Variants in PCDH15 observed in about 807,000 individuals in gnomAD.
The protein encoded by PCDH15 is protocadherin related 15.
Under a neutral mutation model 178.5 loss-of-function variants are expected in PCDH15, and 129 were observed. The ratio of observed to expected loss-of-function variants is 0.72; its 90% confidence interval spans 0.63 to 0.84. The LOEUF (loss-of-function observed/expected upper bound fraction) is 0.84. Among genes scored for constraint, PCDH15 ranks in the 40% least tolerant of loss-of-function variants. The pLI, the probability that PCDH15 is intolerant of heterozygous loss-of-function variation, is 0.00. For missense variants in PCDH15, 2,230 were observed against 2,099.9 expected, an observed-to-expected ratio of 1.06 and a Z score of -1.21; for synonymous variants, 800 against 732.0, an observed-to-expected ratio of 1.09 and a Z score of -1.50.
At chr10:54,233,882 C>T (rs886269992) in intron 9 of PCDH15, among the ~76,000 whole-genome samples, 8 of 152,298 alleles carry the variant, frequency 5.3e-5, no homozygotes, top group Middle Eastern at 3.4e-3. Context: ...CATTGATGTT[C>T]ATGACAGTAG....
At chr10:55,572,331 A>G (rs2132111043) in intron 2 of PCDH15, among the ~76,000 whole-genome samples, 1 of 151,840 alleles carries the variant, frequency 6.6e-6, no homozygotes, top group African/African-American at 2.4e-5. Context: ...AAAAGCTCCA[A>G]TACATTCTGT....
intron 23 of PCDH15, among the ~76,000 whole-genome samples, chr10:53,944,953 G>T (rs1048888965): frequency 2.0e-5 from 3 of 152,114 alleles, no homozygotes; most frequent in Non-Finnish European, 2.9e-5. Context: ...ACTCCACAAC[G>T]GCAATGCTTC....
At position 55,033,268 on chromosome 10, in the gene PCDH15, C is replaced by A. The variant is rs1355968691; in HGVS notation, c.-80+133308G>T. Among the ~76,000 whole-genome samples, 8 of 152,208 alleles carry A rather than the reference C, an allele frequency of 5.3e-5. No homozygotes were observed. The East Asian group carries it at 1.6e-3, about 30-fold the overall frequency. On this transcript the variant is annotated intron_variant, in intron 2 of 5. Transcript: ENST00000458638. ...AGGGCAATGATTGATGGAGTTGTGG[C>A]AGCAGGGCCGCTCGAGAGGCCAAAG...
At position 54,210,150 on chromosome 10, in the gene PCDH15, G is replaced by T. The variant is rs2051258890; in HGVS notation, c.1098+3786C>A. ...TAGCTTTAGTTGTGCCATAACAAAG[G>T]TGTGACATTTTTTCTAGGCATTGAA... On this transcript the variant is annotated intron_variant, in intron 10 of 37. Coordinates refer to ENST00000644397, the MANE Select transcript of PCDH15 (RefSeq NM_001384140.1). 2.0e-5 allele frequency among the ~76,000 whole-genome samples: 3 copies of T among 151,930 alleles called. No homozygotes were observed. In the South Asian group the frequency reaches 6.2e-4, roughly 32 times the overall value.
rs1280010897 is a variant in PCDH15 at position 53,938,928 on chromosome 10, C to T, written c.3260G>A (p.Gly1087Asp). 3.7e-6 allele frequency: 6 copies of T among 1,612,372 alleles called. No individual in the cohort carries two copies. Among genetic ancestry groups the T allele is most frequent in the African/African-American group, 1.3e-5 (1 of 74,972 alleles). ...CAGAGGTCCATTCACATAGATAACA[C>T]CTGTGATGTTATTAATTCCAAATGT... The part of the protein sequence containing the change: ...EDTFGINNIT[G>D]VIYVNGPLDY... Residue 1087 changes from glycine (G) to aspartate (D), a missense_variant, in exon 25 of 38, where the codon GGT becomes GAT. Gly to Asp is a moderately conservative substitution (Grantham distance 94). Transcript: ENST00000644397.
At chr10:54,008,408 G>T (rs2092455683) in intron 20 of PCDH15, among the ~76,000 whole-genome samples, 1 of 152,116 alleles carries the variant, frequency 6.6e-6, no homozygotes, top group South Asian at 2.1e-4. Flanking sequence ...TTGAAATAAA[G>T]GGATGTTGAG....
At chr10:55,447,134 T>A (rs1265604998) in intron 2 of PCDH15, among the ~76,000 whole-genome samples, 1 of 152,022 alleles carries the variant, frequency 6.6e-6, no homozygotes, top group African/African-American at 2.4e-5. Context: ...CAAGTAACAA[T>A]TATGATATTA....
At chr10:53,927,539 T>C (rs529765583) in intron 25 of PCDH15, among the ~76,000 whole-genome samples, 1 of 152,258 alleles carries the variant, frequency 6.6e-6, no homozygotes, top group Admixed American at 6.5e-5. Context: ...AATTATAATG[T>C]GATCTTTTAT....
At chr10:54,914,226 G>C (rs777287198) in intron 2 of PCDH15, among the ~76,000 whole-genome samples, 1 of 152,000 alleles carries the variant, frequency 6.6e-6, no homozygotes, top group South Asian at 2.1e-4. Context: ...TGATTGGATC[G>C]GGAGGGCAGA....
At chr10:54,153,416 T>A in intron 13 of PCDH15, 123 bp from the exon 14 acceptor site, 4 of 1,046,350 alleles carry the variant, frequency 3.8e-6, no homozygotes, top group Non-Finnish European at 5.7e-6. Context: ...TTCCTTGACA[T>A]ATATACTGTT....
At chr10:54,379,284 G>GT (rs1227429976) in intron 3 of PCDH15, among the ~76,000 whole-genome samples, 8 of 152,076 alleles carry the variant, frequency 5.3e-5, no homozygotes, top group African/African-American at 1.7e-4. Context: ...GGAAATGCCT[G>GT]TAATAGCAGA....
intron 23 of PCDH15, among the ~76,000 whole-genome samples, chr10:53,950,782 T>G (rs2086959390): frequency 6.6e-6 from 1 of 152,214 alleles, no homozygotes; most frequent in Admixed American, 6.5e-5. Context: ...AGGATTTTGC[T>G]ATTTCTGTAG....
At position 53,855,920 on chromosome 10, in the gene PCDH15, A is replaced by ATATATATATATGTGTGTGTG. The variant is rs1201156130; in HGVS notation, c.3806+1254_3806+1255insCACACACACATATATATATA. 5.7e-5 allele frequency among the ~76,000 whole-genome samples: 8 copies of ATATATATATATGTGTGTGTG among 140,404 alleles called. No individual in the cohort carries two copies. The East Asian group carries it at 1.3e-3, about 23-fold the overall frequency. The allele number at this position is 140,404 out of a possible 152,430, so 92.1% of individuals were successfully genotyped here. A position where few individuals can be genotyped will look rare whatever the true frequency, so the allele number is the denominator to read the frequency against. On this transcript the variant is annotated intron_variant, in intron 28 of 37. Coordinates refer to ENST00000644397, the MANE Select transcript of PCDH15 (RefSeq NM_001384140.1). ...AGGTGATATGTATATATATATATAT[A>ATATATATATATGTGTGTGTG]TGTATGTGTGTGTGTGTAATGAAAT...
At chr10:55,621,177 A>C (rs957886867) in intron 2 of PCDH15, among the ~76,000 whole-genome samples, 1 of 152,170 alleles carries the variant, frequency 6.6e-6, no homozygotes, top group African/African-American at 2.4e-5. Context: ...ATATGAATAG[A>C]ATTTAACTTA....
chr10:55,302,668 A>G (rs1843315595), intron 1 of PCDH15, among the ~76,000 whole-genome samples: 1 of 152,140 alleles, frequency 6.6e-6, no homozygotes, highest in Non-Finnish European at 1.5e-5. Context: ...CGGTTATCTC[A>G]TCTCAAAAAT....
intron 1 of PCDH15, among the ~76,000 whole-genome samples, chr10:54,799,895 G>C (rs549077572): frequency 6.6e-6 from 1 of 152,098 alleles, no homozygotes; most frequent in East Asian, 1.9e-4. Flanking sequence ...ATACAACAAA[G>C]CTTCATACCT....
In PCDH15 at chr10:54,641,899, T is replaced by C. The variant is rs117438765; in HGVS notation, c.91+22273A>G. The stretch of plus-strand genomic sequence containing the variant: ...TCCAGCTTTAAAAACTTTAATGGTT[T>C]CACTTAGAATGAAGACTAAAATTAT... On this transcript the variant is annotated intron_variant, in intron 2 of 37. Coordinates refer to ENST00000644397, the MANE Select transcript of PCDH15 (RefSeq NM_001384140.1). Among the ~76,000 whole-genome samples the C allele has an allele frequency of 9.8e-3, 1,483 of 152,060 alleles. 18 individuals carry two copies. Among genetic ancestry groups the C allele is most frequent in the Middle Eastern group, 0.014 (4 of 292 alleles).
At chr10:55,624,306 A>G (rs1261126596) in intron 2 of PCDH15, among the ~76,000 whole-genome samples, 3 of 152,020 alleles carry the variant, frequency 2.0e-5, no homozygotes, top group African/African-American at 7.3e-5. Flanking sequence ...TAGAGCTTCA[A>G]TAAAAAAAAT....
chr10:55,615,819 G>T (rs1843461477), intron 2 of PCDH15, among the ~76,000 whole-genome samples: 1 of 152,136 alleles, frequency 6.6e-6, no homozygotes, highest in Non-Finnish European at 1.5e-5. Flanking sequence ...TATAATTTCA[G>T]TCCAGGAGGT....
Sources: allele counts gnomAD v4.1 joint callset (sites outside exome capture counted in the v4.1 genomes callset), GRCh38; gene constraint gnomAD v4.1.1; transcripts MANE v1.5; gene names NCBI Gene and HGNC (gene_info 2026-07-23, HGNC 2026-07-21).